Variants in BMP7 observed in about 807,000 individuals in gnomAD.
The protein encoded by BMP7 is bone morphogenetic protein 7.
BMP7 carries 12 observed loss-of-function variants against 41.2 expected under a neutral mutation model. The observed-to-expected ratio is 0.29, with a 90% CI of 0.19 to 0.47. The LOEUF (loss-of-function observed/expected upper bound fraction) is 0.47. Ranked by LOEUF, BMP7 falls within the 20% of genes least tolerant of loss-of-function variation. The pLI is 0.99. For synonymous variants in BMP7, 248 were observed against 250.0 expected (o/e 0.99, Z 0.07); for missense variants, 467 against 606.0 (o/e 0.77, Z 2.41).
intron 1 of BMP7, among the ~76,000 whole-genome samples, chr20:57,233,462 C>A (rs2066036302): frequency 2.0e-5 from 3 of 152,200 alleles, no homozygotes. Flanking sequence ...AGCCCCAAAA[C>A]CAGCCCTAAG....
chr20:57,202,708 G>C lies in BMP7; in HGVS notation c.612-85C>G. 3 of 1,324,204 alleles carry C rather than the reference G, an allele frequency of 2.3e-6. 1 individual carries two copies. In the South Asian group the frequency reaches 3.8e-5, roughly 17 times the overall value. 82.0% of individuals were successfully genotyped at this position (1,324,204 alleles called of 1,614,324 possible). ...CAACAGATGGGAAGCAGAGCCTCAT[G>C]GGGTGGGAGGGGAGGGAAAGAGTCC... is the stretch of plus-strand genomic sequence containing the variant. On this transcript the variant is annotated intron_variant, in intron 2 of 6. Coordinates refer to ENST00000395863, the MANE Select transcript of BMP7 (RefSeq NM_001719.3).
In BMP7 at chr20:57,218,577, T is replaced by C. The variant is rs375452648; in HGVS notation, c.611+9652A>G. ...TTTTGTAGTAGTAGCTGGTGTTTGG[T>C]AGTAGCTGGTGTTTGGTGGTAGCTG... is the stretch of plus-strand genomic sequence containing the variant. On this transcript the variant is annotated intron_variant, in intron 2 of 6. Transcript: ENST00000395863. 4.5e-3 allele frequency among the ~76,000 whole-genome samples: 688 copies of C among 151,444 alleles called. 10 individuals carry two copies. Among genetic ancestry groups the C allele is most frequent in the African/African-American group, 0.016 (659 of 41,168 alleles).
intron 1 of BMP7, among the ~76,000 whole-genome samples, chr20:57,242,179 C>T (rs1462099583): frequency 6.6e-4 from 101 of 152,296 alleles, no homozygotes; most frequent in Non-Finnish European, 5.9e-5. Context: ...TGAAGGCACC[C>T]TGGGCATTGT....
chr20:57,242,903 T>C (rs1160048309), intron 1 of BMP7, among the ~76,000 whole-genome samples: 10 of 152,164 alleles, frequency 6.6e-5, no homozygotes. Flanking sequence ...CTCGGGAGGC[T>C]GAGGCACAAG....
intron 1 of BMP7, among the ~76,000 whole-genome samples, chr20:57,260,196 T>A (rs536371438): frequency 2.6e-5 from 4 of 152,318 alleles, no homozygotes; most frequent in Admixed American, 6.5e-5. Context: ...CAAGAGCAAG[T>A]GCCCACTTCG....
chr20:57,247,434 G>T lies in BMP7; in HGVS notation c.418+18271C>A, dbSNP rs6127979. Among the ~76,000 whole-genome samples, 133 of 152,316 alleles carry T rather than the reference G, an allele frequency of 8.7e-4. 2 individuals carry two copies. In the East Asian group the frequency reaches 0.023, roughly 26 times the overall value. On this transcript the variant is annotated intron_variant, in intron 1 of 6. Coordinates refer to ENST00000395863, the MANE Select transcript of BMP7 (RefSeq NM_001719.3). ...ATTCAAGGCAAGACAATGGGGACGA[G>T]AACAGAGAGTTCCGTTTGCTCAGCA... is the stretch of plus-strand genomic sequence containing the variant.
intron 1 of BMP7, among the ~76,000 whole-genome samples, chr20:57,233,526 A>C (rs1364291933): frequency 6.6e-6 from 1 of 152,252 alleles, no homozygotes; most frequent in African/African-American, 2.4e-5. Context: ...CCAGGTAGGA[A>C]CAAGAAGCTG....
chr20:57,178,777 C>T (rs577432234), intron 4 of BMP7, among the ~76,000 whole-genome samples: 4 of 152,196 alleles, frequency 2.6e-5, no homozygotes, highest in Middle Eastern at 6.8e-3. Context: ...GCTGCTAGCT[C>T]GAGCCAGGGA....
rs570894799 is a variant in BMP7 at position 57,243,551 on chromosome 20, C to T, written c.419-15130G>A. On this transcript the variant is annotated intron_variant, in intron 1 of 6. Coordinates refer to ENST00000395863, the MANE Select transcript of BMP7 (RefSeq NM_001719.3). The stretch of plus-strand genomic sequence containing the variant: ...ATTCAGGAATTTAACTCCTGACTTA[C>T]GGGTTTGAGGCCTGGGATGGGGGCT... Among the ~76,000 whole-genome samples, 6 of 152,216 alleles carry T rather than the reference C, an allele frequency of 3.9e-5. No homozygotes were observed. In the South Asian group the frequency reaches 8.3e-4, roughly 21 times the overall value.
At chr20:57,217,131 C>G (rs780390790) in intron 2 of BMP7, among the ~76,000 whole-genome samples, 1 of 152,116 alleles carries the variant, frequency 6.6e-6, no homozygotes, top group Non-Finnish European at 1.5e-5. Flanking sequence ...TGTTGGGAGG[C>G]TCCTGGTTCC....
rs200269368 is a variant in BMP7 at position 57,239,460 on chromosome 20, C to T, written c.419-11039G>A. 2.5e-4 allele frequency among the ~76,000 whole-genome samples: 38 copies of T among 152,264 alleles called. No individual in the cohort carries two copies. In the East Asian group the frequency reaches 3.3e-3, roughly 13 times the overall value. ...GCTGCTTTCATGGGCTGGCATTGAACGTTGAGTGACCATGGCTTTTCCAGG... is the reference window on the plus strand; with the variant it reads ...GCTGCTTTCATGGGCTGGCATTGAATGTTGAGTGACCATGGCTTTTCCAGG... On this transcript the variant is annotated intron_variant, in intron 1 of 6. Transcript: ENST00000395863.
chr20:57,212,501 G>A lies in BMP7; in HGVS notation c.612-9878C>T, dbSNP rs560226118. ...GACCCCTAGTCTGACCCTCGCCCTC[G>A]CCTCACTCTGCTGCTCTTTGGAAAA... On this transcript the variant is annotated intron_variant, in intron 2 of 6. Coordinates refer to ENST00000395863, the MANE Select transcript of BMP7 (RefSeq NM_001719.3). 7.9e-5 allele frequency among the ~76,000 whole-genome samples: 12 copies of A among 152,258 alleles called. No individual in the cohort carries two copies. In the East Asian group the frequency reaches 1.9e-3, roughly 24 times the overall value.
chr20:57,249,111 C>T (rs1459484228), intron 1 of BMP7, among the ~76,000 whole-genome samples: 3 of 152,038 alleles, frequency 2.0e-5, no homozygotes, highest in Middle Eastern at 3.4e-3. Flanking sequence ...GACTGCTGAA[C>T]GAGTTCTAAA....
intron 2 of BMP7, among the ~76,000 whole-genome samples, chr20:57,226,406 C>A (rs1442371912): frequency 6.6e-6 from 1 of 152,244 alleles, no homozygotes; most frequent in Non-Finnish European, 1.5e-5. Flanking sequence ...TCTGACCCCA[C>A]AATTCTATCT....
At chr20:57,229,489 T>G (rs1341386242) in intron 1 of BMP7, among the ~76,000 whole-genome samples, 1 of 152,158 alleles carries the variant, frequency 6.6e-6, no homozygotes, top group African/African-American at 2.4e-5. Context: ...GAATGGTGTT[T>G]CTGGGTGGGG....
rs751437809 is a variant in BMP7, at chr20:57,168,760, C to T, written c.*2199G>A. 6.6e-6 allele frequency: 1 copy of T among 152,220 alleles called. No individual in the cohort carries two copies. Among genetic ancestry groups the T allele is most frequent in the African/African-American group, 2.4e-5 (1 of 41,452 alleles). The allele number at this position is 152,220 out of a possible 1,614,324, so 9.4% of individuals were successfully genotyped here. On this transcript the variant is annotated 3_prime_UTR_variant, in exon 7 of 7. Transcript: ENST00000395863. ...ACAGACACAGGCCAAAGAGCCAGAA[C>T]CAAACGTCTCCTTTTATTGCAAGGT...
intron 2 of BMP7, among the ~76,000 whole-genome samples, chr20:57,209,853 T>C (rs1416954272): frequency 6.6e-6 from 1 of 152,332 alleles, no homozygotes; most frequent in South Asian, 2.1e-4. Context: ...TTAGTAAGCA[T>C]GCCCTATTTC....
chr20:57,177,183 G>A (rs1983948335), intron 4 of BMP7, among the ~76,000 whole-genome samples: 1 of 152,200 alleles, frequency 6.6e-6, no homozygotes. Context: ...CAAGCCAAGA[G>A]TGGAAAGCAG....
chr20:57,173,706 T>C lies in BMP7; in HGVS notation c.1036-396A>G, dbSNP rs373449398. On this transcript the variant is annotated intron_variant, in intron 5 of 6. Coordinates refer to ENST00000395863, the MANE Select transcript of BMP7 (RefSeq NM_001719.3). The stretch of plus-strand genomic sequence containing the variant: ...TGGCTGATCCTAAAATGGACATCCA[T>C]GGCTGTGTCTTCTGGACAGAACGCG... 92 of 314,050 alleles carry C rather than the reference T, an allele frequency of 2.9e-4. No homozygotes were observed. The East Asian group carries it at 5.6e-3, about 19-fold the overall frequency. The allele number at this position is 314,050 out of a possible 1,614,324, so 19.5% of individuals were successfully genotyped here.
Sources: gnomAD v4.1 joint callset for allele counts (sites outside exome capture counted in the v4.1 genomes callset) on GRCh38, gnomAD v4.1.1 for gene constraint, MANE v1.5 for transcripts, NCBI Gene and HGNC (gene_info 2026-07-23, HGNC 2026-07-21) for gene names.